The following MCF2L2 variants were observed in gnomAD, a reference collection of about 807,000 sequenced individuals.
MCF2L2 encodes the protein MCF.2 cell line derived transforming sequence-like 2.
Under a neutral mutation model 150.2 loss-of-function variants are expected in MCF2L2, and 102 were observed. The ratio of observed to expected loss-of-function variants is 0.68; its 90% confidence interval spans 0.58 to 0.80. The LOEUF (loss-of-function observed/expected upper bound fraction) is 0.80. Ranked by LOEUF, MCF2L2 falls within the 30% of genes least tolerant of loss-of-function variation. The pLI is 0.00. For missense variants in MCF2L2, 1,256 were observed against 1,372.8 expected (o/e 0.91, Z 1.34); for synonymous variants, 465 against 491.3 (o/e 0.95, Z 0.71).
chr3:183,368,950 A>G (rs934577366), intron 3 of MCF2L2, among the ~76,000 whole-genome samples: 21 of 152,360 alleles, frequency 1.4e-4, no homozygotes, highest in African/African-American at 5.1e-4. Context: ...TTATTCAATC[A>G]GAAAGGTATT....
rs1727611255 is a variant in MCF2L2, at chr3:183,283,357, G to A, written c.1776+5763C>T. ...AATACACAGGTGCCCTCCTCCTCCT[G>A]TCAACATTCCTCAACCAAAGCCTCA... On this transcript the variant is annotated intron_variant, in intron 14 of 29. Coordinates refer to ENST00000328913, the MANE Select transcript of MCF2L2 (RefSeq NM_015078.4). The surrounding 1 kb of genome is among the most constrained non-coding windows in gnomAD (Gnocchi z 4.2). 6.6e-6 allele frequency among the ~76,000 whole-genome samples: 1 copy of A among 151,934 alleles called. No homozygotes were observed. The highest frequency in any genetic ancestry group is 1.5e-5 in the Non-Finnish European group (1 of 67,984).
At chr3:183,271,059 C>A in intron 15 of MCF2L2, 1 of 874,942 alleles carries the variant, frequency 1.1e-6, no homozygotes, top group Non-Finnish European at 1.7e-6. Context: ...AAAGCCTAGT[C>A]CATCAGAATG....
intron 15 of MCF2L2, among the ~76,000 whole-genome samples, chr3:183,275,309 A>C (rs1727099472): frequency 6.6e-6 from 1 of 152,138 alleles, no homozygotes; most frequent in South Asian, 2.1e-4. Flanking sequence ...TACCAAGCAA[A>C]TTTGTTTAGT....
intron 15 of MCF2L2, chr3:183,269,515 C>T: frequency 2.9e-6 from 1 of 341,778 alleles, no homozygotes; most frequent in South Asian, 4.8e-5. Context: ...GGAATATTCA[C>T]ATGGGAGAGC....
rs765432993 is a variant in MCF2L2, at chr3:183,270,582, G to A, written c.1862+6290C>T. 36 of 1,614,148 alleles carry A rather than the reference G, an allele frequency of 2.2e-5. No individual in the cohort carries two copies. Among genetic ancestry groups the A allele is most frequent in the East Asian group, 8.9e-5 (4 of 44,880 alleles). Reference sequence around the variant, plus strand: ...AGCCGGAGCTGCCTATGTAATCTCCGGTGATGTAGCTGCCAAAGTCTATGA... The same window carrying A: ...AGCCGGAGCTGCCTATGTAATCTCCAGTGATGTAGCTGCCAAAGTCTATGA... On this transcript the variant is annotated intron_variant, in intron 15 of 29. Coordinates refer to ENST00000328913, the MANE Select transcript of MCF2L2 (RefSeq NM_015078.4). This position sits in a 1 kb window ranked among gnomAD's most constrained non-coding sequence, Gnocchi z 4.5.
chr3:183,249,609 C>G (rs1576959062), intron 15 of MCF2L2, among the ~76,000 whole-genome samples: 1 of 152,184 alleles, frequency 6.6e-6, no homozygotes, highest in African/African-American at 2.4e-5. Flanking sequence ...CTTCACCTTC[C>G]AGTTCTGGGT....
At chr3:183,215,433 G>A (rs569221837) in intron 22 of MCF2L2, among the ~76,000 whole-genome samples, 1 of 152,248 alleles carries the variant, frequency 6.6e-6, no homozygotes, top group African/African-American at 2.4e-5. Flanking sequence ...GATTAACACT[G>A]ACGCTGGAGC....
chr3:183,366,577 C>A (rs1712534524), intron 3 of MCF2L2, among the ~76,000 whole-genome samples: 1 of 151,818 alleles, frequency 6.6e-6, no homozygotes, highest in Non-Finnish European at 1.5e-5. Context: ...CCCAGCGGGG[C>A]AAAGGCTGCA....
intron 18 of MCF2L2, chr3:183,225,823 T>C (rs755555252): frequency 6.6e-6 from 1 of 152,244 alleles, no homozygotes; most frequent in Non-Finnish European, 1.5e-5. Flanking sequence ...CTTTATGGAA[T>C]CCTCTGCATA....
chr3:183,229,608 C>G, intron 17 of MCF2L2, 58 bp downstream of exon 17: 1 of 789,818 alleles, frequency 1.3e-6, no homozygotes, highest in Non-Finnish European at 2.1e-6. Context: ...TTCCATCAGT[C>G]TCATTTCCAC....
Position 183,195,210 on chromosome 3 carries a change from A to G in MCF2L2, c.2918+12T>C. 1 of 1,596,018 alleles carries G rather than the reference A, an allele frequency of 6.3e-7. No homozygotes were observed. The highest frequency in any genetic ancestry group is 8.5e-7 in the Non-Finnish European group (1 of 1,173,554). ...TTTGACATGCCTTTAAAATAAAAAA[A>G]TCAGTACTCACCTCGTGCTCATTTC... On this transcript the variant is annotated intron_variant, in intron 26 of 29. Coordinates refer to ENST00000328913, the MANE Select transcript of MCF2L2 (RefSeq NM_015078.4).
intron 3 of MCF2L2, among the ~76,000 whole-genome samples, chr3:183,351,202 A>C (rs1463326324): frequency 1.5e-5 from 1 of 66,110 alleles, no homozygotes; most frequent in African/African-American, 8.6e-5. Context: ...ATATATATAT[A>C]TATATATATA....
rs771754066 is a variant in MCF2L2 at position 183,180,105 on chromosome 3, G to A, written c.3071C>T (p.Ala1024Val). The stretch of plus-strand genomic sequence containing the variant: ...ACTGCTCTCCTTTTCCATGTCTTCT[G>A]CGCCTTCACAGTCTTCAAAGGTGTC... ...SMDTFEDCEG[A>V]EDMEKESSAL... Residue 1024 changes from alanine to valine, a missense_variant, in exon 28 of 30, where the codon GCA (alanine) becomes GTA (valine). Transcript: ENST00000328913. 8.0e-5 allele frequency: 129 copies of A among 1,614,010 alleles called. No individual in the cohort carries two copies. Among genetic ancestry groups the A allele is most frequent in the Non-Finnish European group, 1.1e-4 (124 of 1,179,978 alleles).
At chr3:183,293,424 T>G (rs1346493468) in intron 13 of MCF2L2, among the ~76,000 whole-genome samples, 1 of 152,218 alleles carries the variant, frequency 6.6e-6, no homozygotes, top group East Asian at 1.9e-4. Flanking sequence ...TGTTTTAACA[T>G]TTGAAAACAA....
At chr3:183,378,135 G>A (rs927676689) in intron 3 of MCF2L2, 3 of 152,220 alleles carry the variant, frequency 2.0e-5, no homozygotes, top group African/African-American at 7.2e-5. Context: ...CAGCCTCTCA[G>A]TCACAAAGCT....
At chr3:183,365,720 A>G (rs972965852) in intron 3 of MCF2L2, among the ~76,000 whole-genome samples, 2 of 152,214 alleles carry the variant, frequency 1.3e-5, no homozygotes, top group African/African-American at 4.8e-5. Context: ...ACAATGACTC[A>G]AAATTCAGAT....
intron 10 of MCF2L2, among the ~76,000 whole-genome samples, chr3:183,307,756 T>A (rs1300937025): frequency 6.6e-6 from 1 of 152,270 alleles, no homozygotes; most frequent in Non-Finnish European, 1.5e-5. Context: ...CCAAGGGCTT[T>A]CTGTTCCACT....
intron 3 of MCF2L2, among the ~76,000 whole-genome samples, chr3:183,350,882 C>T (rs922321177): frequency 1.0e-3 from 148 of 148,430 alleles, no homozygotes; most frequent in Middle Eastern, 3.5e-3. Flanking sequence ...CCAGCCTGGG[C>T]GACAGAGCGA....
At chr3:183,301,793 CA>C (rs200514561) in intron 10 of MCF2L2, among the ~76,000 whole-genome samples, 67,630 of 124,396 alleles carry the variant, frequency 0.54, 16,232 homozygotes, top group South Asian at 0.64. Flanking sequence ...GCTCTGTCTC[CA>C]AAAAAAAAAA....
Sources: gnomAD v4.1 joint callset for allele counts (sites outside exome capture counted in the v4.1 genomes callset) on GRCh38, gnomAD v4.1.1 for gene constraint, Gnocchi (gnomAD v3.1) non-coding constraint, MANE v1.5 for transcripts, NCBI Gene and HGNC (gene_info 2026-07-23, HGNC 2026-07-21) for gene names.